Variants in RORA observed in about 807,000 individuals in gnomAD.
RORA encodes the protein nuclear receptor ROR-alpha.
RORA carries 7 observed loss-of-function variants against 69.5 expected under a neutral mutation model. That is an observed-to-expected ratio of 0.10 (90% CI 0.06 to 0.19). The LOEUF is 0.19. Among genes scored for constraint, RORA ranks in the 10% least tolerant of loss-of-function variants. The pLI, the probability that RORA is intolerant of heterozygous loss-of-function variation, is 1.00. For missense variants in RORA, 457 were observed against 663.0 expected, an observed-to-expected ratio of 0.69 and a Z score of 3.41; for synonymous variants, 261 against 240.8, an observed-to-expected ratio of 1.08 and a Z score of -0.78.
chr15:60,756,874 C>A (rs558853912), intron 1 of RORA, among the ~76,000 whole-genome samples: 28 of 152,200 alleles, frequency 1.8e-4, no homozygotes, highest in African/African-American at 6.7e-4. Flanking sequence ...CATAAATGGT[C>A]ATTTCTTACA....
chr15:60,595,376 G>T (rs2068643359), intron 2 of RORA, among the ~76,000 whole-genome samples: 1 of 152,040 alleles, frequency 6.6e-6, no homozygotes, highest in South Asian at 2.1e-4. Flanking sequence ...GCCAGGCGTG[G>T]TGGTGCTTGC....
chr15:60,807,221 G>C (rs145730619), intron 1 of RORA, among the ~76,000 whole-genome samples: 230 of 152,154 alleles, frequency 1.5e-3, no homozygotes, highest in African/African-American at 5.3e-3. Flanking sequence ...AAGTTTCAAG[G>C]TACAAAATTA....
intron 1 of RORA, among the ~76,000 whole-genome samples, chr15:60,767,916 T>G (rs2072014550): frequency 1.3e-5 from 2 of 152,148 alleles, no homozygotes; most frequent in Admixed American, 6.5e-5. Context: ...GACTGTCAGT[T>G]CCTTAAGGGC....
intron 1 of RORA, among the ~76,000 whole-genome samples, chr15:60,866,990 C>T (rs1234431586): frequency 6.6e-6 from 1 of 151,990 alleles, no homozygotes; most frequent in East Asian, 1.9e-4. Context: ...CTCAGCCTCC[C>T]GGGTAGCTGG....
intron 2 of RORA, among the ~76,000 whole-genome samples, chr15:60,609,529 A>G (rs951198461): frequency 1.3e-5 from 2 of 152,164 alleles, no homozygotes; most frequent in Non-Finnish European, 2.9e-5. Flanking sequence ...CAATAAATAT[A>G]TATCTGTGGA....
At chr15:60,814,715 C>G (rs535015306) in intron 1 of RORA, among the ~76,000 whole-genome samples, 1 of 152,290 alleles carries the variant, frequency 6.6e-6, no homozygotes, top group Admixed American at 6.5e-5. Flanking sequence ...CCCCACCTTA[C>G]CTGGCTTTGT....
chr15:61,085,580 C>G (rs1248862276), intron 1 of RORA, among the ~76,000 whole-genome samples: 3 of 152,232 alleles, frequency 2.0e-5, no homozygotes, highest in African/African-American at 7.2e-5. Context: ...CCTGGTGATG[C>G]TGATGCTGCA....
At chr15:60,958,220 A>T (rs1208714061) in intron 1 of RORA, among the ~76,000 whole-genome samples, 1 of 152,202 alleles carries the variant, frequency 6.6e-6, no homozygotes, top group East Asian at 1.9e-4. Context: ...TTTTATACAA[A>T]GGATGTTCAT....
At chr15:60,747,716 A>G (rs935226262) in intron 1 of RORA, among the ~76,000 whole-genome samples, 4 of 152,180 alleles carry the variant, frequency 2.6e-5, no homozygotes, top group African/African-American at 4.8e-5. Flanking sequence ...CAAGCAAGGC[A>G]AGGAGCAGAA....
rs2140472714 is a variant in RORA, at chr15:60,905,340, A to G, written c.167-226654T>C. 6.6e-6 allele frequency among the ~76,000 whole-genome samples: 1 copy of G among 152,342 alleles called. No homozygotes were observed. Among genetic ancestry groups the G allele is most frequent in the Non-Finnish European group, 1.5e-5 (1 of 68,034 alleles). On this transcript the variant is annotated intron_variant, in intron 1 of 10. Coordinates refer to ENST00000335670, the MANE Select transcript of RORA (RefSeq NM_134261.3). The surrounding 1 kb of genome is among the most constrained non-coding windows in gnomAD (Gnocchi z 4.8). ...CATCGTTATATGAGTGCAAAGCATGATGATAAAATATGCAATTCTTAAGAA... is the reference window on the plus strand; with the variant it reads ...CATCGTTATATGAGTGCAAAGCATGGTGATAAAATATGCAATTCTTAAGAA...
At chr15:61,171,027 G>T (rs950960531) in intron 1 of RORA, among the ~76,000 whole-genome samples, 12 of 152,322 alleles carry the variant, frequency 7.9e-5, no homozygotes, top group Middle Eastern at 3.4e-3. Context: ...TGGTCAGATT[G>T]TTCAGCTGGT....
intron 1 of RORA, among the ~76,000 whole-genome samples, chr15:60,761,788 T>G (rs750374658): frequency 6.6e-6 from 1 of 152,168 alleles, no homozygotes; most frequent in Non-Finnish European, 1.5e-5. Context: ...TGACAAATAT[T>G]TGTTTAGAAA....
intron 1 of RORA, among the ~76,000 whole-genome samples, chr15:60,778,697 C>A (rs2072209632): frequency 6.6e-6 from 1 of 152,074 alleles, no homozygotes; most frequent in African/African-American, 2.4e-5. Context: ...CACCCTTACC[C>A]CTTCCCAGTT....
intron 1 of RORA, among the ~76,000 whole-genome samples, chr15:60,766,842 G>A (rs2071999940): frequency 6.6e-6 from 1 of 152,070 alleles, no homozygotes; most frequent in Non-Finnish European, 1.5e-5. Flanking sequence ...TGGTGTCGAT[G>A]TCTGTATGTG....
intron 1 of RORA, among the ~76,000 whole-genome samples, chr15:60,749,867 C>A (rs11071553): frequency 0.28 from 42,194 of 151,858 alleles, 6,238 homozygotes; most frequent in African/African-American, 0.38. Flanking sequence ...GTCTCTACTA[C>A]AAATTACAAA....
At chr15:60,689,546 A>C (rs1038769839) in intron 1 of RORA, among the ~76,000 whole-genome samples, 1 of 152,152 alleles carries the variant, frequency 6.6e-6, no homozygotes, top group Admixed American at 6.5e-5. Flanking sequence ...AGACATATTC[A>C]AGTCCTAACT....
At chr15:60,523,830 CCTGG>C (rs2066258163) in intron 3 of RORA, among the ~76,000 whole-genome samples, 1 of 152,202 alleles carries the variant, frequency 6.6e-6, no homozygotes, top group Non-Finnish European at 1.5e-5. Context: ...TGCCATCATG[CCTGG>C]CTAATTTTTA....
At position 60,537,987 on chromosome 15, in the gene RORA, A is replaced by G. The variant is rs2066730847; in HGVS notation, c.197-6136T>C. Among the ~76,000 whole-genome samples, 1 of 152,156 alleles carries G rather than the reference A, an allele frequency of 6.6e-6. No individual in the cohort carries two copies. Among genetic ancestry groups the G allele is most frequent in the African/African-American group, 2.4e-5 (1 of 41,424 alleles). ...AGCTTGCTTTGATTTTGGTGCTTTC[A>G]ACATCCCTAAAGGAGGCAGATAGGT... On this transcript the variant is annotated intron_variant, in intron 2 of 10. Coordinates refer to ENST00000335670, the MANE Select transcript of RORA (RefSeq NM_134261.3). The surrounding 1 kb of genome is among the most constrained non-coding windows in gnomAD (Gnocchi z 4.9).
chr15:61,009,563 T>C (rs2140392247), intron 1 of RORA, among the ~76,000 whole-genome samples: 1 of 152,362 alleles, frequency 6.6e-6, no homozygotes, highest in East Asian at 1.9e-4. Context: ...TTAATTTTAA[T>C]TCAGATAGAT....
Sources: allele counts gnomAD v4.1 joint callset (sites outside exome capture counted in the v4.1 genomes callset), GRCh38; gene constraint gnomAD v4.1.1; non-coding constraint Gnocchi (gnomAD v3.1); transcripts MANE v1.5; gene names NCBI Gene and HGNC (gene_info 2026-07-23, HGNC 2026-07-21).